The following NLRP12 variants were observed in gnomAD, a reference collection of about 807,000 sequenced individuals.
NLRP12 encodes NACHT, LRR and PYD domains-containing protein 12.
A neutral mutation model predicts 91.2 loss-of-function variants in NLRP12; 108 were observed. The ratio of observed to expected loss-of-function variants is 1.18; its 90% confidence interval spans 1.01 to 1.39. NLRP12 has a LOEUF of 1.39. Ranked by LOEUF, NLRP12 falls within the 40% of genes most tolerant of loss-of-function variation. The pLI is 0.00. For missense variants in NLRP12, 1,530 were observed against 1,352.7 expected (o/e 1.13, Z -2.06); for synonymous variants, 613 against 566.7 (o/e 1.08, Z -1.16).
At chr19:53,806,252 A>T (rs1472764882) in intron 4 of NLRP12, among the ~76,000 whole-genome samples, 1 of 151,868 alleles carries the variant, frequency 6.6e-6, no homozygotes, top group African/African-American at 2.4e-5. Context: ...ATATGAAAAA[A>T]ATTTGGCTAG....
At chr19:53,800,588 T>C (rs766155907) in intron 7 of NLRP12, among the ~76,000 whole-genome samples, 839 of 43,596 alleles carry the variant, frequency 0.019, 3 homozygotes, top group Middle Eastern at 0.027. Context: ...AACCCCCCCC[T>C]TTTTTTTTTT....
Position 53,805,354 on chromosome 19 carries a change from G to C in NLRP12, c.2340C>G (p.Asn780Lys). 1 of 1,614,058 alleles carries C rather than the reference G, an allele frequency of 6.2e-7. No homozygotes were observed. Among genetic ancestry groups the C allele is most frequent in the Non-Finnish European group, 8.5e-7 (1 of 1,179,994 alleles). ...GCATCATGCCTGGGAATCCAACGCCGTTGCCACTGAGATCCATCCTTGTCA... is the reference window on the plus strand; with the variant it reads ...GCATCATGCCTGGGAATCCAACGCCCTTGCCACTGAGATCCATCCTTGTCA... ...KNLTRMDLSG[N>K]GVGFPGMMLL... The change falls in exon 5 of 10, where the codon AAC becomes AAG. Residue 780 changes from asparagine to lysine, a missense_variant. By Grantham distance (94) the Asn-to-Lys change is moderately conservative. Transcript: ENST00000324134.
chr19:53,799,098 C>T (rs1049137628), intron 7 of NLRP12, among the ~76,000 whole-genome samples: 8 of 150,996 alleles, frequency 5.3e-5, no homozygotes, highest in Middle Eastern at 3.4e-3. Flanking sequence ...CTGCAACCTC[C>T]GCCTCCTGGG....
intron 9 of NLRP12, among the ~76,000 whole-genome samples, chr19:53,795,107 CGTGTGTGTGTGTGTGTGTGTGTGT>C: frequency 1.2e-5 from 1 of 85,496 alleles, no homozygotes; most frequent in African/African-American, 4.7e-5. Flanking sequence ...CTGGTGTGTG[CGTGTGTGTGTGTGTGTGTGTGTGT>C]GTGTGTAAAG....
chr19:53,805,214 T>G, intron 5 of NLRP12, 66 bp downstream of exon 5: 1 of 1,510,796 alleles, frequency 6.6e-7, no homozygotes, highest in Non-Finnish European at 9.2e-7. Context: ...TTACCAGCAT[T>G]TTGTGATATT....
At chr19:53,813,525 A>C (rs574960242) in intron 2 of NLRP12, among the ~76,000 whole-genome samples, 5 of 151,184 alleles carry the variant, frequency 3.3e-5, no homozygotes, top group African/African-American at 1.2e-4. Context: ...GATGGTCTCG[A>C]TCTCCTGACC....
chr19:53,813,422 C>T (rs764170951), intron 2 of NLRP12, among the ~76,000 whole-genome samples: 2 of 151,120 alleles, frequency 1.3e-5, no homozygotes, highest in Non-Finnish European at 2.9e-5. Flanking sequence ...CTGCCTCAGC[C>T]TCCCAAGTAG....
rs1302931500 is a variant in NLRP12 at position 53,803,938 on chromosome 19, CAGGAAGAACTCACCACAAAGTCCGT to C, written c.2574_2585+13del. 6.2e-7 allele frequency: 1 copy of C among 1,612,960 alleles called. No individual in the cohort carries two copies. Among genetic ancestry groups the C allele is most frequent in the African/African-American group, 1.3e-5 (1 of 75,030 alleles). On this transcript the variant is annotated splice_donor_variant and splice_donor_5th_base_variant and coding_sequence_variant and intron_variant, in exon 6 of 10. Transcript: ENST00000324134. LOFTEE classifies it high-confidence loss of function. ...TTTGCCATTTTATTATAGTTGACCC[CAGGAAGAACTCACCACAAAGTCCGT>C]AGTCTGCAGACTGGGTGCCTCAGTC...
rs904367963 is a variant in NLRP12 at position 53,793,751 on chromosome 19, A to AT, written c.*297dup. Reference sequence around the variant, plus strand: ...AGGTGCCCGCCACCATGCCTGGCTAATTTTTTTTTATTTTTAGTAGAGACA... The same window carrying AT: ...AGGTGCCCGCCACCATGCCTGGCTAATTTTTTTTTTATTTTTAGTAGAGACA... On this transcript the variant is annotated 3_prime_UTR_variant, in exon 10 of 10. Transcript: ENST00000324134. 173 of 435,484 alleles carry AT rather than the reference A, an allele frequency of 4.0e-4. No homozygotes were observed. The highest frequency in any genetic ancestry group is 4.6e-4 in the African/African-American group (23 of 49,570). The allele number at this position is 435,484 out of a possible 1,614,324, so 27.0% of individuals were successfully genotyped here.
chr19:53,808,244 G>C (rs2091994925), intron 3 of NLRP12: 1 of 183,744 alleles, frequency 5.4e-6, no homozygotes, highest in East Asian at 1.3e-4. Flanking sequence ...TATTTTTAGA[G>C]ATGGGGATCT....
chr19:53,820,438 G>A (rs555380708), intron 1 of NLRP12, among the ~76,000 whole-genome samples: 1 of 151,750 alleles, frequency 6.6e-6, no homozygotes. Context: ...GCTGAGGCAG[G>A]AGAATCACTG....
chr19:53,803,154 G>C (rs1221830985), intron 6 of NLRP12, among the ~76,000 whole-genome samples: 1 of 152,054 alleles, frequency 6.6e-6, no homozygotes, highest in Non-Finnish European at 1.5e-5. Flanking sequence ...TCACGCTACT[G>C]GGAAATCATC....
chr19:53,808,942 A>G (rs1226653124), intron 3 of NLRP12, among the ~76,000 whole-genome samples: 1 of 152,014 alleles, frequency 6.6e-6, no homozygotes, highest in African/African-American at 2.4e-5. Context: ...TGTCAGAGCA[A>G]AATCACCCCC....
At position 53,811,238 on chromosome 19, in the gene NLRP12, C is replaced by G. The variant is rs1348689699; in HGVS notation, c.421G>C (p.Glu141Gln). The change falls in exon 3 of 10, where the codon GAA becomes CAA. Residue 141 changes from glutamate (E) to glutamine (Q), a missense_variant. Physicochemically the swap from Glu to Gln is conservative, Grantham distance 29. Coordinates refer to ENST00000324134, the MANE Select transcript of NLRP12 (RefSeq NM_144687.4). ...DYVRRKFRLM[E>Q]DRNARLGECV... ...TCCCCTAGGCGCGCATTGCGGTCTT[C>G]CATGAGCCGGAATTTCCTGCGGACA... 6.2e-7 allele frequency: 1 copy of G among 1,614,046 alleles called. No homozygotes were observed. The highest frequency in any genetic ancestry group is 1.7e-5 in the Admixed American group (1 of 60,008).
chr19:53,823,834 G>C (rs1449582548), intron 1 of NLRP12, 52 bp downstream of exon 1: 4 of 1,604,592 alleles, frequency 2.5e-6, no homozygotes, highest in Admixed American at 3.3e-5. Context: ...ACAGGTATGA[G>C]TCACTGGACC....
chr19:53,821,031 CTTTTTTTTTTTT>C (rs1158419664), intron 1 of NLRP12, among the ~76,000 whole-genome samples: 6 of 81,274 alleles, frequency 7.4e-5, no homozygotes, highest in East Asian at 7.0e-4. Context: ...CATATTTTTT[CTTTTTTTTTTTT>C]TTTTTTTTTT....
chr19:53,821,020 T>A (rs1001523588), intron 1 of NLRP12, among the ~76,000 whole-genome samples: 10 of 141,736 alleles, frequency 7.1e-5, no homozygotes, highest in Non-Finnish European at 1.2e-4. Flanking sequence ...TGAGTATAAA[T>A]CATATTTTTT....
chr19:53,811,286 G>T lies in NLRP12; in HGVS notation c.373C>A (p.Pro125Thr), dbSNP rs746589911. 1.9e-6 allele frequency: 3 copies of T among 1,613,748 alleles called. No homozygotes were observed. The highest frequency in any genetic ancestry group is 2.5e-6 in the Non-Finnish European group (3 of 1,180,026). Residue 125 changes from proline (P) to threonine (T), a missense_variant and splice_region_variant, in exon 3 of 10, where the codon CCC becomes ACC. Coordinates refer to ENST00000324134, the MANE Select transcript of NLRP12 (RefSeq NM_144687.4). ...EVSLVTPRKD[P>T]QETYRDYVRR... ...ACATAGTCCCTGTAGGTTTCCTGGG[G>T]ATCTAGGGGAGAGGAATGAAGGTTT...
At position 53,809,826 on chromosome 19, in the gene NLRP12, C is replaced by T. The variant is rs763836095; in HGVS notation, c.1833G>A (p.Leu611=). The T allele has an allele frequency of 1.9e-6, 3 of 1,614,012 alleles. No homozygotes were observed. The highest frequency in any genetic ancestry group is 1.3e-5 in the African/African-American group (1 of 74,912). ...SDGSTLQQGS[L]EFFSCLYEIQ... Reference sequence around the variant, plus strand: ...TCTCGTACAAGCAGCTGAAGAACTCCAAGGAGCCCTGCTGCAGGGTGGAGC... The same window carrying T: ...TCTCGTACAAGCAGCTGAAGAACTCTAAGGAGCCCTGCTGCAGGGTGGAGC... Residue 611 remains leucine, a synonymous_variant, in exon 3 of 10, where the codon TTG becomes TTA. Coordinates refer to ENST00000324134, the MANE Select transcript of NLRP12 (RefSeq NM_144687.4).
Sources: allele counts gnomAD v4.1 joint callset (sites outside exome capture counted in the v4.1 genomes callset), GRCh38; gene constraint gnomAD v4.1.1; transcripts MANE v1.5; gene names NCBI Gene and HGNC (gene_info 2026-07-23, HGNC 2026-07-21).